KAZN: variants seen among roughly 807,000 people sequenced by gnomAD.
The protein encoded by KAZN is kazrin.
A neutral mutation model predicts 87.4 loss-of-function variants in KAZN; 40 were observed. That is an observed-to-expected ratio of 0.46 (90% CI 0.36 to 0.60). The LOEUF is 0.60. KAZN is among the 20% of genes least tolerant of loss of function. The probability of loss-of-function intolerance (pLI) is 0.00; values close to 1 mark genes in which losing one functional copy is unlikely to be tolerated. For missense variants in KAZN, 898 were observed against 1,073.9 expected (o/e 0.84, Z 2.29); for synonymous variants, 466 against 458.3 (o/e 1.02, Z -0.22).
intron 2 of KAZN, among the ~76,000 whole-genome samples, chr1:14,977,896 T>C (rs1360787447): frequency 3.4e-5 from 5 of 146,950 alleles, no homozygotes; most frequent in African/African-American, 7.5e-5. Context: ...TTTTTTTTTT[T>C]TTTTTTTTTT....
At chr1:14,940,119 T>C (rs1307770454) in intron 1 of KAZN, among the ~76,000 whole-genome samples, 1 of 152,154 alleles carries the variant, frequency 6.6e-6, no homozygotes, top group African/African-American at 2.4e-5. Context: ...GCTGCCTCTG[T>C]AAGAGTGGGC....
intron 1 of KAZN, among the ~76,000 whole-genome samples, chr1:14,798,061 G>A (rs1377426663): frequency 1.3e-5 from 2 of 152,068 alleles, no homozygotes; most frequent in Non-Finnish European, 2.9e-5. Flanking sequence ...TAAGAAAACT[G>A]TCTGAGTCAT....
chr1:14,215,178 A>G (rs1190427113), intron 2 of KAZN, among the ~76,000 whole-genome samples: 2 of 152,200 alleles, frequency 1.3e-5, no homozygotes, highest in Non-Finnish European at 2.9e-5. Context: ...TTGAAGTGAC[A>G]AAGCCCTTCA....
intron 1 of KAZN, among the ~76,000 whole-genome samples, chr1:13,962,263 G>A (rs1321784457): frequency 2.0e-5 from 3 of 152,104 alleles, no homozygotes; most frequent in African/African-American, 7.2e-5. Flanking sequence ...GGGTCGGGGC[G>A]GAGCAGGAGG....
At chr1:14,199,913 T>C (rs897063440) in intron 2 of KAZN, among the ~76,000 whole-genome samples, 1 of 152,150 alleles carries the variant, frequency 6.6e-6, no homozygotes, top group Admixed American at 6.5e-5. Context: ...GTTTTCTACC[T>C]GACACCTTCC....
intron 1 of KAZN, among the ~76,000 whole-genome samples, chr1:14,662,334 T>C (rs890600413): frequency 6.6e-6 from 1 of 152,112 alleles, no homozygotes; most frequent in South Asian, 2.1e-4. Context: ...GCTGACACCA[T>C]AGGCCAGGGT....
chr1:14,516,422 C>A (rs1671302623), intron 2 of KAZN, among the ~76,000 whole-genome samples: 1 of 152,192 alleles, frequency 6.6e-6, no homozygotes, highest in African/African-American at 2.4e-5. Flanking sequence ...AAGACCTAGG[C>A]CTGGTCAACC....
In KAZN at chr1:14,051,697, G is replaced by A. The variant is rs530212230; in HGVS notation, c.92-128738G>A. Among the ~76,000 whole-genome samples, 86 of 152,068 alleles carry A rather than the reference G, an allele frequency of 5.7e-4. 1 individual carries two copies. The highest frequency in any genetic ancestry group is 3.4e-3 in the Middle Eastern group (1 of 294). On this transcript the variant is annotated intron_variant, in intron 1 of 16. Transcript: ENST00000636203. ...TCCACAAAAACTACAAAAATTAGCCGGGTGTGGTGGCATGCACATGTAGTC... is the reference window on the plus strand; with the variant it reads ...TCCACAAAAACTACAAAAATTAGCCAGGTGTGGTGGCATGCACATGTAGTC...
intron 1 of KAZN, among the ~76,000 whole-genome samples, chr1:13,958,673 TA>T (rs1641641191): frequency 6.6e-6 from 1 of 151,504 alleles, no homozygotes; most frequent in Admixed American, 6.6e-5. Context: ...AAGCAGAGAC[TA>T]GGGGGTTAGG....
At chr1:14,522,229 C>T (rs1210896696) in intron 2 of KAZN, among the ~76,000 whole-genome samples, 1 of 152,150 alleles carries the variant, frequency 6.6e-6, no homozygotes, top group Non-Finnish European at 1.5e-5. Flanking sequence ...ATAATGTCTT[C>T]GTTCTCCCCA....
chr1:14,778,698 G>T (rs554244681), intron 1 of KAZN, among the ~76,000 whole-genome samples: 1 of 152,038 alleles, frequency 6.6e-6, no homozygotes, highest in Non-Finnish European at 1.5e-5. Context: ...CTTTTGCCAC[G>T]TAACAACCCC....
chr1:13,927,428 T>G (rs1640324925), intron 1 of KAZN, among the ~76,000 whole-genome samples: 2 of 152,194 alleles, frequency 1.3e-5, no homozygotes, highest in African/African-American at 4.8e-5. Context: ...GAGGAAGTAT[T>G]TTTTTCTGCT....
intron 2 of KAZN, among the ~76,000 whole-genome samples, chr1:14,277,216 C>T (rs1386581858): frequency 1.3e-5 from 2 of 152,146 alleles, no homozygotes; most frequent in African/African-American, 4.8e-5. Flanking sequence ...CTATTACACA[C>T]CCAACCCTGA....
intron 2 of KAZN, among the ~76,000 whole-genome samples, chr1:14,470,737 C>G (rs559403381): frequency 6.6e-6 from 1 of 152,158 alleles, no homozygotes; most frequent in Non-Finnish European, 1.5e-5. Context: ...CCTTTGTGTG[C>G]TCCTCCATGG....
intron 1 of KAZN, among the ~76,000 whole-genome samples, chr1:14,825,125 C>T (rs529807960): frequency 3.9e-5 from 6 of 152,230 alleles, no homozygotes; most frequent in African/African-American, 9.6e-5. Flanking sequence ...TTCAGAGTCT[C>T]GCAAAAGCTA....
chr1:14,613,068 C>T (rs187395001), intron 1 of KAZN, among the ~76,000 whole-genome samples: 1 of 152,260 alleles, frequency 6.6e-6, no homozygotes, highest in East Asian at 1.9e-4. Context: ...GCTTAGAAGC[C>T]TTGCTCCCAG....
chr1:14,501,806 C>T (rs1261236492), intron 2 of KAZN, among the ~76,000 whole-genome samples: 1 of 152,172 alleles, frequency 6.6e-6, no homozygotes, highest in African/African-American at 2.4e-5. Context: ...GCCATAAAAA[C>T]GAAGGACTGA....
In KAZN at chr1:15,066,812, C is replaced by G. The variant is rs1342369543; in HGVS notation, c.1222+1059C>G. ...GCTTTTTCTGTTGGTTCTTCTCTCT[C>G]CTTCTCTCTCTGTCTCTCCCATTCT... On this transcript the variant is annotated intron_variant, in intron 8 of 14. Transcript: ENST00000376030. The surrounding 1 kb of genome is among the most constrained non-coding windows in gnomAD (Gnocchi z 4.3). 4.1e-6 allele frequency: 4 copies of G among 985,364 alleles called. No homozygotes were observed. Among genetic ancestry groups the G allele is most frequent in the Non-Finnish European group, 4.8e-6 (4 of 830,004 alleles). The allele number at this position is 985,364 out of a possible 1,614,324, so 61.0% of individuals were successfully genotyped here.
chr1:13,996,716 C>T (rs1252717381), intron 1 of KAZN, among the ~76,000 whole-genome samples: 1 of 152,236 alleles, frequency 6.6e-6, no homozygotes, highest in Non-Finnish European at 1.5e-5. Context: ...GGGCCTAAGC[C>T]CCTAGAGGGA....
Sources: gnomAD v4.1 joint callset for allele counts (sites outside exome capture counted in the v4.1 genomes callset) on GRCh38, gnomAD v4.1.1 for gene constraint, Gnocchi (gnomAD v3.1) non-coding constraint, MANE v1.5 for transcripts, NCBI Gene and HGNC (gene_info 2026-07-23, HGNC 2026-07-21) for gene names.